The following AKAP6 variants were observed in gnomAD, a reference collection of about 807,000 sequenced individuals.
The protein encoded by AKAP6 is A-kinase anchor protein 6.
Under a neutral mutation model 188.5 loss-of-function variants are expected in AKAP6, and 58 were observed. The observed-to-expected ratio is 0.31, with a 90% CI of 0.25 to 0.38. The LOEUF (loss-of-function observed/expected upper bound fraction) is 0.38, where lower values mean the gene tolerates loss of function less well. Ranked by LOEUF, AKAP6 falls within the 10% of genes least tolerant of loss-of-function variation. AKAP6 has a pLI of 1.00. For synonymous variants in AKAP6, 989 were observed against 998.6 expected, an observed-to-expected ratio of 0.99 and a Z score of 0.18; for missense variants, 2,710 against 2,740.0, an observed-to-expected ratio of 0.99 and a Z score of 0.24.
intron 13 of AKAP6, 113 bp from the exon 14 acceptor site, chr14:32,829,735 A>T (rs2034779257): frequency 1.8e-6 from 1 of 544,844 alleles, no homozygotes; most frequent in African/African-American, 1.9e-5. Flanking sequence ...ATTTCAGAAC[A>T]TTAGCAAGTA....
At chr14:32,602,661 T>C (rs2139357499) in intron 7 of AKAP6, among the ~76,000 whole-genome samples, 2 of 152,356 alleles carry the variant, frequency 1.3e-5, no homozygotes, top group Middle Eastern at 6.8e-3. Flanking sequence ...AGCTATCCTG[T>C]GTTGGCTACA....
At chr14:32,515,378 T>C (rs1005228257) in intron 2 of AKAP6, among the ~76,000 whole-genome samples, 1 of 152,120 alleles carries the variant, frequency 6.6e-6, no homozygotes. Flanking sequence ...ATCAGAGAGA[T>C]ACCTTTCAAT....
At chr14:32,344,823 T>C (rs1392901206) in intron 1 of AKAP6, among the ~76,000 whole-genome samples, 1 of 149,176 alleles carries the variant, frequency 6.7e-6, no homozygotes, top group Admixed American at 6.8e-5. Flanking sequence ...GGCTGAGGCA[T>C]GGGAATCTCT....
intron 11 of AKAP6, among the ~76,000 whole-genome samples, chr14:32,751,094 AT>A (rs563791290): frequency 1.2e-3 from 185 of 151,934 alleles, no homozygotes; most frequent in Middle Eastern, 6.8e-3. Flanking sequence ...TTGCTAAATA[AT>A]TTTTTTTAAT....
chr14:32,371,113 T>G (rs1451503440), intron 1 of AKAP6, among the ~76,000 whole-genome samples: 1 of 152,184 alleles, frequency 6.6e-6, no homozygotes, highest in Non-Finnish European at 1.5e-5. Context: ...GTCCTAAAAA[T>G]AAATTCTTGT....
chr14:32,491,748 T>A (rs774299979), intron 2 of AKAP6, among the ~76,000 whole-genome samples: 9 of 152,216 alleles, frequency 5.9e-5, no homozygotes, highest in Non-Finnish European at 1.2e-4. Flanking sequence ...TAAAAATTAA[T>A]CTTATGTTTA....
chr14:32,723,557 T>TGTGTGTGTG (rs35237019), intron 9 of AKAP6, among the ~76,000 whole-genome samples: 200 of 141,196 alleles, frequency 1.4e-3, no homozygotes, highest in Middle Eastern at 0.011. Flanking sequence ...GCGTATGTGT[T>TGTGTGTGTG]TATGTGTGTG....
At chr14:32,636,412 A>G (rs1383246514) in intron 7 of AKAP6, among the ~76,000 whole-genome samples, 2 of 152,138 alleles carry the variant, frequency 1.3e-5, no homozygotes, top group South Asian at 4.1e-4. Flanking sequence ...GTTTAAATCA[A>G]GGCAGCTAAA....
chr14:32,820,451 A>G (rs1290338502), intron 12 of AKAP6, among the ~76,000 whole-genome samples: 1 of 152,046 alleles, frequency 6.6e-6, no homozygotes, highest in Middle Eastern at 3.2e-3. Context: ...GTCCAAGGAA[A>G]CATCAAGGGT....
intron 13 of AKAP6, among the ~76,000 whole-genome samples, chr14:32,825,776 C>A (rs771014498): frequency 2.0e-5 from 3 of 152,122 alleles, no homozygotes; most frequent in African/African-American, 7.2e-5. Context: ...CTCCACCCCC[C>A]ACTCCAGAAG....
Position 32,600,931 on chromosome 14 carries a change from A to G in AKAP6, c.2730+139A>G, listed in dbSNP as rs1054609799. 6 of 691,218 alleles carry G rather than the reference A, an allele frequency of 8.7e-6. No homozygotes were observed. In the Admixed American group the frequency reaches 2.1e-4, roughly 24 times the overall value. The allele number at this position is 691,218 out of a possible 1,614,324, so 42.8% of individuals were successfully genotyped here. A position where few individuals can be genotyped will look rare whatever the true frequency, so the allele number is the denominator to read the frequency against. On this transcript the variant is annotated intron_variant, in intron 7 of 13. Transcript: ENST00000280979. ...TATATCTCTCTCTATATATATATAA[A>G]CAAAATGAAATGCCTTAGTTTAAAA...
At chr14:32,648,749 C>A (rs1207130802) in intron 7 of AKAP6, among the ~76,000 whole-genome samples, 1 of 152,052 alleles carries the variant, frequency 6.6e-6, no homozygotes, top group Non-Finnish European at 1.5e-5. Flanking sequence ...AAGAGCACAG[C>A]CAAATAAACT....
Position 32,794,742 on chromosome 14 carries a change from C to T in AKAP6, c.3588+20849C>T, listed in dbSNP as rs138052636. ...AGCATCTCAACTAGAAACTAGAGAA[C>T]GAAGAACAAGCAAACCGCAAAGCTA... On this transcript the variant is annotated intron_variant, in intron 12 of 13. Transcript: ENST00000280979. Among the ~76,000 whole-genome samples, 90 of 151,994 alleles carry T rather than the reference C, an allele frequency of 5.9e-4. 1 individual carries two copies. The highest frequency in any genetic ancestry group is 1.2e-3 in the African/African-American group (51 of 41,458).
intron 1 of AKAP6, chr14:32,376,165 C>T (rs1888151542): frequency 6.6e-6 from 1 of 152,208 alleles, no homozygotes; most frequent in African/African-American, 2.4e-5. Context: ...AGTAAAGAAC[C>T]TATTCTAACT....
chr14:32,355,932 A>G (rs997430829), intron 1 of AKAP6, among the ~76,000 whole-genome samples: 5 of 151,544 alleles, frequency 3.3e-5, no homozygotes, highest in African/African-American at 9.7e-5. Context: ...CTGCCACCAC[A>G]CCCGGCTAAT....
intron 7 of AKAP6, among the ~76,000 whole-genome samples, chr14:32,665,902 A>C (rs977645851): frequency 2.0e-5 from 3 of 152,142 alleles, no homozygotes; most frequent in African/African-American, 7.2e-5. Context: ...AGCTAACAAG[A>C]ATGGGGATAG....
intron 1 of AKAP6, among the ~76,000 whole-genome samples, chr14:32,422,553 C>G (rs1652173656): frequency 1.3e-5 from 2 of 152,128 alleles, no homozygotes; most frequent in Non-Finnish European, 2.9e-5. Context: ...GGAAGCTTGT[C>G]TAAGCTTCAA....
intron 11 of AKAP6, among the ~76,000 whole-genome samples, chr14:32,764,713 C>T (rs190260937): frequency 6.6e-6 from 1 of 151,814 alleles, no homozygotes; most frequent in East Asian, 1.9e-4. Flanking sequence ...CACACACACA[C>T]ACACGCACAC....
chr14:32,804,202 T>A (rs2034029187), intron 12 of AKAP6, among the ~76,000 whole-genome samples: 1 of 152,224 alleles, frequency 6.6e-6, no homozygotes, highest in Admixed American at 6.5e-5. Flanking sequence ...GCCTGTAATA[T>A]TGCCTTCCTC....
Sources: gnomAD v4.1 joint callset for allele counts (sites outside exome capture counted in the v4.1 genomes callset) on GRCh38, gnomAD v4.1.1 for gene constraint, MANE v1.5 for transcripts, NCBI Gene and HGNC (gene_info 2026-07-23, HGNC 2026-07-21) for gene names.